FAAH2: variants seen among roughly 807,000 people sequenced by gnomAD.
FAAH2 encodes the protein fatty-acid amide hydrolase 2.
A neutral mutation model predicts 36.9 loss-of-function variants in FAAH2; 60 were observed. The observed-to-expected ratio is 1.63, with a 90% CI of 1.32 to 2.02. FAAH2 has a LOEUF of 2.02. FAAH2 is among the 30% of genes most tolerant of loss of function. The pLI is 0.00. For missense variants in FAAH2, 689 were observed against 397.5 expected (o/e 1.73, Z -6.23); for synonymous variants, 214 against 143.8 (o/e 1.49, Z -3.49).
At chrX:57,218,650 C>T in the FAAH2 span, among the ~76,000 whole-genome samples, 1 of 111,151 alleles carries the variant, frequency 9.0e-6, no homozygotes, top group South Asian at 3.9e-4. Flanking sequence ...GGATAGTGGT[C>T]TGTAGTTTTC....
intron 7 of FAAH2, among the ~76,000 whole-genome samples, chrX:57,415,781 GT>G (rs903654001): frequency 9.0e-6 from 1 of 110,971 alleles, no homozygotes; most frequent in African/African-American, 3.3e-5. Context: ...GAACATCCCT[GT>G]TAATTTTCTG....
In FAAH2 at chrX:57,415,828, T is replaced by A. The variant is rs181209904; in HGVS notation, c.997-16090T>A. Among the ~76,000 whole-genome samples, 219 of 111,125 alleles carry A rather than the reference T, an allele frequency of 2.0e-3. 2 individuals carry two copies. The highest frequency in any genetic ancestry group is 6.9e-3 in the African/African-American group (211 of 30,563). On this transcript the variant is annotated intron_variant, in intron 7 of 10. Coordinates refer to ENST00000374900, the MANE Select transcript of FAAH2 (RefSeq NM_174912.4). ...CTGTCTAATATTGACAGTGGGGTGT[T>A]AAAGTCTCCCACTACTATTTTGTGG... is the stretch of plus-strand genomic sequence containing the variant.
At chrX:57,394,111 G>A in intron 7 of FAAH2, 2 of 721,249 alleles carry the variant, frequency 2.8e-6, no homozygotes, top group South Asian at 2.1e-5. Context: ...TGGCATGGAT[G>A]TCACCTGTGA....
intron 4 of FAAH2, among the ~76,000 whole-genome samples, chrX:57,335,297 G>A (rs1056955681): frequency 4.5e-5 from 5 of 111,051 alleles, no homozygotes; most frequent in Admixed American, 1.9e-4. Flanking sequence ...CCAGGGGACC[G>A]GCGTTCAGCA....
intron 6 of FAAH2, among the ~76,000 whole-genome samples, chrX:57,379,849 A>T (rs1175606826): frequency 1.9e-5 from 2 of 106,706 alleles, no homozygotes; most frequent in Admixed American, 2.0e-4. Context: ...AAAAATAATG[A>T]CTGCTTCTCA....
At chrX:57,261,162 T>C in the FAAH2 span, among the ~76,000 whole-genome samples, 1 of 111,643 alleles carries the variant, frequency 9.0e-6, no homozygotes, top group Non-Finnish European at 1.9e-5. Flanking sequence ...AAATAATCAA[T>C]AAATTTTCGT....
intron 8 of FAAH2, among the ~76,000 whole-genome samples, chrX:57,438,758 C>A (rs1295663847): frequency 3.0e-4 from 26 of 85,586 alleles, no homozygotes; most frequent in Admixed American, 1.1e-3. Context: ...CCCCTCCCCC[C>A]ACCCCACAAC....
At chrX:57,238,637 TA>T in the FAAH2 span, among the ~76,000 whole-genome samples, 1 of 111,835 alleles carries the variant, frequency 8.9e-6, no homozygotes, top group African/African-American at 3.2e-5. Flanking sequence ...AAATGAAAGT[TA>T]AAAAAACTTC....
the FAAH2 span, among the ~76,000 whole-genome samples, chrX:57,196,538 C>A: frequency 3.6e-5 from 4 of 111,440 alleles, no homozygotes; most frequent in African/African-American, 9.8e-5. Flanking sequence ...CTCTACCAAT[C>A]TGGATACCCT....
chrX:57,302,447 C>A (rs377612120), intron 2 of FAAH2, among the ~76,000 whole-genome samples: 1 of 111,092 alleles, frequency 9.0e-6, no homozygotes, highest in South Asian at 3.8e-4. Flanking sequence ...CACAACAGTC[C>A]CTGACTTCTT....
the FAAH2 span, among the ~76,000 whole-genome samples, chrX:57,162,902 A>G: frequency 4.1e-4 from 46 of 112,905 alleles, no homozygotes; most frequent in Admixed American, 3.7e-4. Context: ...CCTTGCTGGT[A>G]ACGAACTGCG....
At chrX:57,461,077 G>A (rs1391563722) in intron 10 of FAAH2, among the ~76,000 whole-genome samples, 1 of 110,495 alleles carries the variant, frequency 9.1e-6, no homozygotes, top group Non-Finnish European at 1.9e-5. Context: ...ATGGTAAAAT[G>A]ATCAATGTAA....
chrX:57,437,886 T>C (rs2056445126), intron 8 of FAAH2, among the ~76,000 whole-genome samples: 2 of 103,295 alleles, frequency 1.9e-5, no homozygotes, highest in South Asian at 4.0e-4. Context: ...CATATATACA[T>C]ACGTATATGT....
In FAAH2 at chrX:57,469,369, A is replaced by C. The variant is rs147096765; in HGVS notation, c.1424-19388A>C. Among the ~76,000 whole-genome samples the C allele has an allele frequency of 2.5e-4, 28 of 111,766 alleles. 1 individual carries two copies. The East Asian group carries it at 7.9e-3, about 32-fold the overall frequency. ...CAGGAGACCCATCTCACATGCAGAGACACACATTGGCTCAAAATAAAGGGA... is the reference window on the plus strand; with the variant it reads ...CAGGAGACCCATCTCACATGCAGAGCCACACATTGGCTCAAAATAAAGGGA... On this transcript the variant is annotated intron_variant, in intron 10 of 10. Coordinates refer to ENST00000374900, the MANE Select transcript of FAAH2 (RefSeq NM_174912.4).
chrX:57,160,437 C>G, the FAAH2 span, among the ~76,000 whole-genome samples: 1 of 111,766 alleles, frequency 8.9e-6, no homozygotes, highest in Non-Finnish European at 1.9e-5. Context: ...CCTTGAACCT[C>G]TGGTAGAATT....
the FAAH2 span, among the ~76,000 whole-genome samples, chrX:57,224,445 T>G: frequency 9.0e-6 from 1 of 111,350 alleles, no homozygotes; most frequent in Non-Finnish European, 1.9e-5. Flanking sequence ...TAGACAGGAA[T>G]GTAAGATTCT....
chrX:57,177,319 C>A, the FAAH2 span, among the ~76,000 whole-genome samples: 2 of 108,227 alleles, frequency 1.8e-5, no homozygotes, highest in African/African-American at 6.7e-5. Context: ...ACAGGCACCT[C>A]TTTTCATATG....
the FAAH2 span, among the ~76,000 whole-genome samples, chrX:57,123,609 A>G: frequency 8.9e-6 from 1 of 112,311 alleles, no homozygotes; most frequent in Non-Finnish European, 1.9e-5. Context: ...ACTAGTTTAC[A>G]GTCCCACCAA....
At chrX:57,204,922 G>A in the FAAH2 span, among the ~76,000 whole-genome samples, 1 of 112,376 alleles carries the variant, frequency 8.9e-6, no homozygotes, top group Admixed American at 9.4e-5. Context: ...AAAGAAAAAT[G>A]TAGCTAGAGC....
Sources: gnomAD v4.1 joint callset for allele counts (sites outside exome capture counted in the v4.1 genomes callset) on GRCh38, gnomAD v4.1.1 for gene constraint, MANE v1.5 for transcripts, NCBI Gene and HGNC (gene_info 2026-07-23, HGNC 2026-07-21) for gene names.